KCNMA1: variants seen among roughly 807,000 people sequenced by gnomAD.
KCNMA1 encodes potassium calcium-activated channel subfamily M alpha 1, also known as Calcium-activated potassium channel subunit alpha-1.
Under a neutral mutation model 140.0 loss-of-function variants are expected in KCNMA1, and 29 were observed. The ratio of observed to expected loss-of-function variants is 0.21; its 90% CI spans 0.15 to 0.28. The LOEUF is 0.28. KCNMA1 is among the 10% of genes least tolerant of loss of function. The pLI is 1.00. For synonymous variants in KCNMA1, 612 were observed against 611.9 expected (o/e 1.00, Z 0.00); for missense variants, 880 against 1,602.2 (o/e 0.55, Z 7.70).
rs144809967 is a variant in KCNMA1 at position 77,075,412 on chromosome 10, T to A, written c.1594-2160A>T. Among the ~76,000 whole-genome samples, 654 of 152,286 alleles carry A rather than the reference T, an allele frequency of 4.3e-3. 7 individuals are homozygous for A. The highest frequency in any genetic ancestry group is 0.015 in the African/African-American group (609 of 41,552). Reference sequence around the variant, plus strand: ...TTTAAGTAATGAACAAGTCAAGCATTGTGTGTGAAAGGAGATTTTTTTGGT... The same window carrying A: ...TTTAAGTAATGAACAAGTCAAGCATAGTGTGTGAAAGGAGATTTTTTTGGT... On this transcript the variant is annotated intron_variant, in intron 13 of 27. Transcript: ENST00000286628.
At chr10:76,953,108 G>C (rs1393045567) in intron 21 of KCNMA1, among the ~76,000 whole-genome samples, 1 of 152,168 alleles carries the variant, frequency 6.6e-6, no homozygotes, top group Non-Finnish European at 1.5e-5. Context: ...ATGTTCACAA[G>C]CCTTCCACGA....
At chr10:77,196,901 A>G (rs780214410) in intron 3 of KCNMA1, among the ~76,000 whole-genome samples, 1 of 152,230 alleles carries the variant, frequency 6.6e-6, no homozygotes, top group Non-Finnish European at 1.5e-5. Flanking sequence ...AAATGCAGTG[A>G]GAAAACAGAT....
intron 23 of KCNMA1, among the ~76,000 whole-genome samples, chr10:76,941,055 G>GAAAGAAAGAA (rs1565060370): frequency 1.7e-5 from 1 of 58,350 alleles, no homozygotes; most frequent in Non-Finnish European, 3.6e-5. Context: ...GAAAGAAAGA[G>GAAAGAAAGAA]AAAGAAAGAA....
intron 21 of KCNMA1, 181 bp from the exon 22 acceptor site, chr10:76,949,547 G>A: frequency 3.2e-6 from 2 of 632,328 alleles, no homozygotes; most frequent in Non-Finnish European, 5.6e-6. Context: ...TTGAGCACGT[G>A]TATATGTATT....
intron 2 of KCNMA1, among the ~76,000 whole-genome samples, chr10:77,383,207 C>T (rs1038846042): frequency 6.6e-6 from 1 of 151,764 alleles, no homozygotes; most frequent in Non-Finnish European, 1.5e-5. Flanking sequence ...CTCACCAAAA[C>T]TGATGCTGGC....
chr10:77,023,015 C>A, intron 16 of KCNMA1: 1 of 446,222 alleles, frequency 2.2e-6, no homozygotes, highest in Non-Finnish European at 4.5e-6. Context: ...ACATAAAACA[C>A]ATCTACGTGC....
At chr10:77,344,306 G>C (rs1197774310) in intron 2 of KCNMA1, among the ~76,000 whole-genome samples, 1 of 152,162 alleles carries the variant, frequency 6.6e-6, no homozygotes, top group Non-Finnish European at 1.5e-5. Flanking sequence ...GGAGTTAATA[G>C]GTTTTTCCAA....
At chr10:77,141,024 G>T (rs1014057607) in intron 5 of KCNMA1, among the ~76,000 whole-genome samples, 1 of 152,004 alleles carries the variant, frequency 6.6e-6, no homozygotes, top group African/African-American at 2.4e-5. Context: ...GATTCCCTTA[G>T]AGGATGTGAT....
chr10:77,234,906 G>A (rs2054866299), intron 3 of KCNMA1, among the ~76,000 whole-genome samples: 1 of 152,274 alleles, frequency 6.6e-6, no homozygotes, highest in Non-Finnish European at 1.5e-5. Flanking sequence ...GTTCAACTGA[G>A]AAAGCTAAGA....
chr10:77,629,731 T>G (rs1372334695), intron 1 of KCNMA1, among the ~76,000 whole-genome samples: 2 of 152,176 alleles, frequency 1.3e-5, no homozygotes, highest in Non-Finnish European at 2.9e-5. Context: ...TCTTAATTAT[T>G]TTTCCCCCAG....
intron 1 of KCNMA1, among the ~76,000 whole-genome samples, chr10:77,451,641 A>G (rs773638419): frequency 4.5e-4 from 68 of 152,186 alleles, no homozygotes; most frequent in Non-Finnish European, 7.4e-4. Flanking sequence ...GGTGTATTCA[A>G]ATACAGGCCA....
At chr10:77,561,708 A>C (rs2066458176) in intron 1 of KCNMA1, among the ~76,000 whole-genome samples, 1 of 152,062 alleles carries the variant, frequency 6.6e-6, no homozygotes, top group Non-Finnish European at 1.5e-5. Context: ...TAGGCTGGAG[A>C]CCTCCTGCTA....
chr10:77,027,632 G>A (rs1167194293), intron 16 of KCNMA1, among the ~76,000 whole-genome samples, 191 bp downstream of exon 16: 1 of 152,218 alleles, frequency 6.6e-6, no homozygotes, highest in East Asian at 1.9e-4. Context: ...TTGGGTGCCA[G>A]GCTGGTCTGG....
intron 1 of KCNMA1, among the ~76,000 whole-genome samples, chr10:77,436,751 T>C (rs1164510713): frequency 6.6e-6 from 1 of 152,200 alleles, no homozygotes; most frequent in Non-Finnish European, 1.5e-5. Flanking sequence ...TACTAAAACA[T>C]ACCCCTCTGG....
intron 2 of KCNMA1, among the ~76,000 whole-genome samples, chr10:77,382,984 GTGTGTGTGTGTATATA>G (rs1292057233): frequency 5.4e-4 from 48 of 89,578 alleles, no homozygotes; most frequent in African/African-American, 2.2e-3. Context: ...GTGTGTGTGT[GTGTGTGTGTGTATATA>G]TATATATATA....
intron 23 of KCNMA1, among the ~76,000 whole-genome samples, chr10:76,916,680 A>G (rs2053067649): frequency 6.6e-6 from 1 of 152,200 alleles, no homozygotes; most frequent in African/African-American, 2.4e-5. Context: ...CTCCAAATAG[A>G]TTATTATGTG....
intron 21 of KCNMA1, 179 bp from the exon 22 acceptor site, chr10:76,949,545 G>T: frequency 1.6e-6 from 1 of 639,120 alleles, no homozygotes. Context: ...ATTTGAGCAC[G>T]TGTATATGTA....
intron 3 of KCNMA1, among the ~76,000 whole-genome samples, chr10:77,209,033 A>T (rs1442146487): frequency 6.6e-6 from 1 of 152,166 alleles, no homozygotes; most frequent in Non-Finnish European, 1.5e-5. Flanking sequence ...TCTTTGGAAG[A>T]GTGCAAGTGT....
At chr10:77,262,219 T>C (rs559493188) in intron 2 of KCNMA1, among the ~76,000 whole-genome samples, 18 of 152,338 alleles carry the variant, frequency 1.2e-4, no homozygotes, top group Admixed American at 9.8e-4. Flanking sequence ...AATGGAATAC[T>C]ATTCAGTGTT....
Sources: allele counts gnomAD v4.1 joint callset (sites outside exome capture counted in the v4.1 genomes callset), GRCh38; gene constraint gnomAD v4.1.1; transcripts MANE v1.5; gene names NCBI Gene and HGNC (gene_info 2026-07-23, HGNC 2026-07-21).